The following CPAP variants were observed in gnomAD, a reference collection of about 807,000 sequenced individuals.
CPAP encodes the protein centrosomal P4.1-associated protein.
chr13:24,910,006 A>C, the CPAP span: 1 of 1,614,024 alleles, frequency 6.2e-7, no homozygotes, highest in Non-Finnish European at 8.5e-7. Context: ...GATGGGAAGC[A>C]GCATGTGGCT....
At chr13:24,891,570 C>T in the CPAP span, among the ~76,000 whole-genome samples, 1 of 152,042 alleles carries the variant, frequency 6.6e-6, no homozygotes, top group Admixed American at 6.6e-5. Flanking sequence ...CACCACCAAT[C>T]ACACACACAG....
the CPAP span, among the ~76,000 whole-genome samples, chr13:24,921,150 T>C: frequency 6.6e-6 from 1 of 152,150 alleles, no homozygotes; most frequent in Non-Finnish European, 1.5e-5. Context: ...TATAAGTCAG[T>C]ATGCTGAAAC....
At chr13:24,913,168 A>T in the CPAP span, 2 of 677,932 alleles carry the variant, frequency 3.0e-6, no homozygotes, top group Non-Finnish European at 5.0e-6. Flanking sequence ...CCAAACCTCA[A>T]CCCAGCATAA....
chr13:24,892,558 T>A, the CPAP span: 1 of 1,033,334 alleles, frequency 9.7e-7, no homozygotes, highest in Non-Finnish European at 1.5e-6. Context: ...GCAGCTCCCA[T>A]TCTACTTTCT....
At chr13:24,896,535 C>CT in the CPAP span, among the ~76,000 whole-genome samples, 1 of 152,232 alleles carries the variant, frequency 6.6e-6, no homozygotes, top group South Asian at 2.1e-4. Context: ...AGCTAGCAGC[C>CT]TGGACTGCAG....
the CPAP span, chr13:24,885,350 A>G: frequency 2.5e-6 from 4 of 1,613,994 alleles, no homozygotes; most frequent in Non-Finnish European, 1.7e-6. Flanking sequence ...GGATCTGGGA[A>G]GTTCAGTGGT....
the CPAP span, among the ~76,000 whole-genome samples, chr13:24,894,971 T>C: frequency 6.6e-6 from 1 of 152,166 alleles, no homozygotes; most frequent in Non-Finnish European, 1.5e-5. Context: ...CAGGCCTGGC[T>C]GGCGGGTGGG....
the CPAP span, chr13:24,933,233 G>C: frequency 1.1e-6 from 1 of 947,206 alleles, no homozygotes. Flanking sequence ...TTAGCAGCAG[G>C]AGAGAGTGAG....
the CPAP span, chr13:24,910,176 C>T: frequency 3.5e-6 from 4 of 1,139,260 alleles, no homozygotes; most frequent in East Asian, 9.4e-5. Context: ...ACAAAGACTT[C>T]TCCACAGTGA....
At chr13:24,888,748 C>T in the CPAP span, among the ~76,000 whole-genome samples, 42 of 152,152 alleles carry the variant, frequency 2.8e-4, no homozygotes, top group African/African-American at 8.9e-4. Context: ...GAATGCTGAA[C>T]TGTGGAAGTA....
chr13:24,889,265 T>G, the CPAP span: 2 of 1,242,584 alleles, frequency 1.6e-6, no homozygotes, highest in Non-Finnish European at 2.4e-6. Context: ...TATAAATTGT[T>G]TATTCCTTAC....
At chr13:24,910,074 A>G in the CPAP span, 1 of 1,612,530 alleles carries the variant, frequency 6.2e-7, no homozygotes, top group Non-Finnish European at 8.5e-7. Context: ...ATCATCAGGC[A>G]GTAAACTCAA....
the CPAP span, among the ~76,000 whole-genome samples, chr13:24,926,997 T>C: frequency 5.3e-3 from 805 of 152,296 alleles, 21 homozygotes; most frequent in East Asian, 0.081. Context: ...GTTGTGTGAA[T>C]GACAAACCAA....
chr13:24,909,428 TGA>T, the CPAP span, among the ~76,000 whole-genome samples: 1 of 151,864 alleles, frequency 6.6e-6, no homozygotes, highest in Admixed American at 6.6e-5. Flanking sequence ...CTTGGGAGGC[TGA>T]GACACAAGAA....
chr13:24,927,481 C>G, the CPAP span, among the ~76,000 whole-genome samples: 1 of 152,212 alleles, frequency 6.6e-6, no homozygotes, highest in African/African-American at 2.4e-5. Flanking sequence ...AATTTGCAAC[C>G]TATGGGGCCC....
chr13:24,899,460 C>G, the CPAP span: 1 of 1,613,706 alleles, frequency 6.2e-7, no homozygotes, highest in Non-Finnish European at 8.5e-7. Flanking sequence ...AAAGTTCTTG[C>G]AGCTGTAGTA....
chr13:24,891,568 A>G, the CPAP span, among the ~76,000 whole-genome samples: 4 of 151,606 alleles, frequency 2.6e-5, no homozygotes, highest in Admixed American at 6.6e-5. Flanking sequence ...GTCACCACCA[A>G]TCACACACAC....
chr13:24,895,163 C>T, the CPAP span, among the ~76,000 whole-genome samples: 1 of 152,250 alleles, frequency 6.6e-6, no homozygotes, highest in African/African-American at 2.4e-5. Flanking sequence ...GAGGGGACTC[C>T]GCACCTGCGG....
At chr13:24,895,323 C>G in the CPAP span, among the ~76,000 whole-genome samples, 1 of 152,242 alleles carries the variant, frequency 6.6e-6, no homozygotes, top group African/African-American at 2.4e-5. Flanking sequence ...CGCCTGTAAT[C>G]CCAGCACTTT....
Sources: gnomAD v4.1 joint callset for allele counts (sites outside exome capture counted in the v4.1 genomes callset) on GRCh38, gnomAD v4.1.1 for gene constraint, MANE v1.5 for transcripts, NCBI Gene and HGNC (gene_info 2026-07-23, HGNC 2026-07-21) for gene names.